The following PEX2 variants were observed in gnomAD, a reference collection of about 807,000 sequenced individuals.
PEX2 encodes peroxisomal biogenesis factor 2, also known as peroxisome biogenesis factor 2.
PEX2 carries 19 observed loss-of-function variants against 25.2 expected under a neutral mutation model. That is an observed-to-expected ratio of 0.75 (90% CI 0.53 to 1.10). PEX2 has a LOEUF of 1.10. Among genes scored for constraint, PEX2 ranks in the 50% least tolerant of loss-of-function variants. PEX2 has a pLI of 0.00. For synonymous variants in PEX2, 141 were observed against 127.7 expected (o/e 1.10, Z -0.70); for missense variants, 347 against 350.6 (o/e 0.99, Z 0.08).
At chr8:76,998,267 A>G (rs1807394098) in intron 1 of PEX2, among the ~76,000 whole-genome samples, 1 of 152,230 alleles carries the variant, frequency 6.6e-6, no homozygotes, top group Non-Finnish European at 1.5e-5. Context: ...TGTGATGATG[A>G]GCAAGCCTGC....
chr8:76,992,053 T>C (rs1274985869), intron 1 of PEX2, among the ~76,000 whole-genome samples: 1 of 152,118 alleles, frequency 6.6e-6, no homozygotes, highest in African/African-American at 2.4e-5. Context: ...AAGACATAAA[T>C]TGTGGCAGTT....
At chr8:76,993,710 C>T (rs527484617) in intron 1 of PEX2, among the ~76,000 whole-genome samples, 3 of 152,120 alleles carry the variant, frequency 2.0e-5, no homozygotes, top group Non-Finnish European at 2.9e-5. Flanking sequence ...AATTGAACCA[C>T]CATTAAATTT....
chr8:76,983,299 T>C lies in PEX2; in HGVS notation c.880A>G (p.Lys294Glu). 1 of 1,613,882 alleles carries C rather than the reference T, an allele frequency of 6.2e-7. No homozygotes were observed. Among genetic ancestry groups the C allele is most frequent in the East Asian group, 2.2e-5 (1 of 44,880 alleles). The stretch of plus-strand genomic sequence containing the variant: ...ACTTCTGACATCTCGATTCCTGATT[T>C]CAGTGGCTGCAGACTGTGTACTTCT... Reference protein sequence around the residue: ...GTEVHSLQPLKSGIEMSEVNA... With the variant: ...GTEVHSLQPLESGIEMSEVNA... Residue 294 changes from lysine (K) to glutamate (E), a missense_variant, in exon 4 of 4, where the codon AAA becomes GAA. Coordinates refer to ENST00000357039, the MANE Select transcript of PEX2 (RefSeq NM_000318.3).
In PEX2 at chr8:76,983,214, A is replaced by G; in HGVS notation, c.*47T>C. On this transcript the variant is annotated 3_prime_UTR_variant, in exon 4 of 4. Transcript: ENST00000357039. Reference sequence around the variant, plus strand: ...ATACTTAGGATGACTAATATTAAGAATTTAAACACGGTGCATTTTTTTCCT... The same window carrying G: ...ATACTTAGGATGACTAATATTAAGAGTTTAAACACGGTGCATTTTTTTCCT... 1 of 1,603,076 alleles carries G rather than the reference A, an allele frequency of 6.2e-7. No homozygotes were observed. Among genetic ancestry groups the G allele is most frequent in the Non-Finnish European group, 8.5e-7 (1 of 1,179,742 alleles).
chr8:76,985,761 C>T (rs1044015686), intron 3 of PEX2, among the ~76,000 whole-genome samples: 2 of 152,154 alleles, frequency 1.3e-5, no homozygotes, highest in African/African-American at 4.8e-5. Flanking sequence ...CTCACTGCCA[C>T]GGTCTGGTCA....
upstream of PEX2, chr8:77,000,254 C>T: frequency 3.3e-6 from 1 of 300,460 alleles, no homozygotes; most frequent in South Asian, 2.7e-5. Flanking sequence ...GCCGAAAAGC[C>T]GAAGCGGACA....
Position 76,981,552 on chromosome 8 carries a change from C to T in PEX2, c.*1709G>A, listed in dbSNP as rs904245464. 6.6e-6 allele frequency: 1 copy of T among 152,288 alleles called. No homozygotes were observed. Among genetic ancestry groups the T allele is most frequent in the South Asian group, 2.1e-4 (1 of 4,818 alleles). The allele number at this position is 152,288 out of a possible 1,614,324, so 9.4% of individuals were successfully genotyped here. ...GAACTCAAACTCCTGGGCTCAGCCT[C>T]CCTAAGTAGGGAGCCTGGGATTACA... is the stretch of plus-strand genomic sequence containing the variant. On this transcript the variant is annotated 3_prime_UTR_variant, in exon 4 of 4. Coordinates refer to ENST00000357039, the MANE Select transcript of PEX2 (RefSeq NM_000318.3).
intron 1 of PEX2, among the ~76,000 whole-genome samples, chr8:76,993,337 T>C (rs537491342): frequency 3.7e-4 from 57 of 152,314 alleles, no homozygotes; most frequent in African/African-American, 1.3e-3. Flanking sequence ...ATAGGATTCC[T>C]GCAACAATTC....
intron 1 of PEX2, among the ~76,000 whole-genome samples, chr8:76,993,862 A>G (rs752869787): frequency 6.6e-6 from 1 of 152,164 alleles, no homozygotes; most frequent in Non-Finnish European, 1.5e-5. Context: ...TTGGCTATGC[A>G]AAGAGATATA....
intron 1 of PEX2, among the ~76,000 whole-genome samples, chr8:76,998,715 G>A (rs1355267665): frequency 6.6e-6 from 1 of 152,040 alleles, no homozygotes; most frequent in Non-Finnish European, 1.5e-5. Flanking sequence ...TAAACCTGAG[G>A]GTGGGCTTGC....
upstream of PEX2, chr8:77,000,156 C>G: frequency 3.0e-6 from 1 of 337,074 alleles, no homozygotes; most frequent in South Asian, 2.2e-5. Context: ...GAAAAAGTTA[C>G]ACCAACGAGA....
In PEX2 at chr8:76,980,900, AC is replaced by A. The variant is rs1806800250; in HGVS notation, c.*2360del. 6.6e-6 allele frequency: 1 copy of A among 152,220 alleles called. No homozygotes were observed. The highest frequency in any genetic ancestry group is 2.4e-5 in the African/African-American group (1 of 41,450). The allele number at this position is 152,220 out of a possible 1,614,324, so 9.4% of individuals were successfully genotyped here. On this transcript the variant is annotated 3_prime_UTR_variant, in exon 4 of 4. Transcript: ENST00000357039. ...TGTGGCACATTGCCCTAGGTTATAC[AC>A]AAGTGGGATTTGAATTCTAGCGGAA...
chr8:77,000,894 A>C (rs1251773179), upstream of PEX2: 1 of 152,270 alleles, frequency 6.6e-6, no homozygotes, highest in Non-Finnish European at 1.5e-5. Context: ...AGGCAGTGAC[A>C]TGTAGCCGTT....
chr8:76,999,081 T>C (rs4537282), intron 1 of PEX2, among the ~76,000 whole-genome samples: 146,157 of 152,094 alleles, frequency 0.96, 70,302 homozygotes, highest in East Asian at 0.99. Context: ...TAATTGATAA[T>C]ATAGGTGAGA....
Position 76,983,477 on chromosome 8 carries a change from G to A in PEX2, c.702C>T (p.Asp234=). 1.2e-6 allele frequency: 2 copies of A among 1,614,110 alleles called. No individual in the cohort carries two copies. The highest frequency in any genetic ancestry group is 1.7e-6 in the Non-Finnish European group (2 of 1,180,018). ...CIPLTGAPNS[D]NTLATSGKEC... ...CTTTGCCACTGGTGGCTAATGTATT[G>A]TCACTATTAGGTGCACCAGTAAGAG... is the stretch of plus-strand genomic sequence containing the variant. The change falls in exon 4 of 4, where the codon GAC becomes GAT. Residue 234 remains aspartate, a synonymous_variant. Coordinates refer to ENST00000357039, the MANE Select transcript of PEX2 (RefSeq NM_000318.3).
chr8:76,991,806 C>A (rs889472768), intron 1 of PEX2, among the ~76,000 whole-genome samples: 3 of 152,290 alleles, frequency 2.0e-5, no homozygotes, highest in Non-Finnish European at 4.4e-5. Context: ...ATAACAGCTA[C>A]CTCACAAAGT....
intron 1 of PEX2, among the ~76,000 whole-genome samples, chr8:76,991,392 T>C (rs1807165650): frequency 6.6e-6 from 1 of 152,218 alleles, no homozygotes; most frequent in Non-Finnish European, 1.5e-5. Context: ...TCCCCAGGCC[T>C]GGCCTCAGTG....
At chr8:76,992,981 T>C (rs1025671179) in intron 1 of PEX2, among the ~76,000 whole-genome samples, 1 of 152,068 alleles carries the variant, frequency 6.6e-6, no homozygotes. Flanking sequence ...AGCCCAGAAA[T>C]AGCAAGCTCC....
In PEX2 at chr8:76,994,473, A is replaced by G. The variant is rs183828245; in HGVS notation, c.-160+5517T>C. On this transcript the variant is annotated intron_variant, in intron 1 of 3. Transcript: ENST00000357039. ...TAAGGGGATAACATGGATTTTAGCTATAATACCATGTAACATCTCCTACAT... is the reference window on the plus strand; with the variant it reads ...TAAGGGGATAACATGGATTTTAGCTGTAATACCATGTAACATCTCCTACAT... Among the ~76,000 whole-genome samples, 8 of 152,340 alleles carry G rather than the reference A, an allele frequency of 5.3e-5. No individual in the cohort carries two copies. In the East Asian group the frequency reaches 1.5e-3, roughly 29 times the overall value.
Sources: allele counts gnomAD v4.1 joint callset (sites outside exome capture counted in the v4.1 genomes callset), GRCh38; gene constraint gnomAD v4.1.1; transcripts MANE v1.5; gene names NCBI Gene and HGNC (gene_info 2026-07-23, HGNC 2026-07-21).